SLC9C2: variants seen among roughly 807,000 people sequenced by gnomAD.
The protein encoded by SLC9C2 is solute carrier family 9 member C2 (putative).
A neutral mutation model predicts 140.2 loss-of-function variants in SLC9C2; 75 were observed. The ratio of observed to expected loss-of-function variants is 0.53; its 90% CI spans 0.44 to 0.65. The LOEUF (loss-of-function observed/expected upper bound fraction) is 0.65. SLC9C2 is among the 30% of genes least tolerant of loss of function. The pLI is 0.00. For synonymous variants in SLC9C2, 375 were observed against 420.9 expected (o/e 0.89, Z 1.34); for missense variants, 1,074 against 1,331.8 (o/e 0.81, Z 3.01).
chr1:173,564,637 CTTT>C (rs200972272), intron 9 of SLC9C2, among the ~76,000 whole-genome samples: 6 of 119,724 alleles, frequency 5.0e-5, no homozygotes, highest in Non-Finnish European at 5.0e-5. Context: ...TTTTCCTTTT[CTTT>C]TTTTTTTTTT....
At chr1:173,550,444 A>AT (rs1382249001) in intron 11 of SLC9C2, among the ~76,000 whole-genome samples, 2 of 129,260 alleles carry the variant, frequency 1.5e-5, no homozygotes, top group African/African-American at 3.3e-5. Context: ...TTATTTATTT[A>AT]TTTATTTATT....
chr1:173,570,399 T>C (rs1393504361), intron 9 of SLC9C2, among the ~76,000 whole-genome samples: 1 of 152,122 alleles, frequency 6.6e-6, no homozygotes, highest in Non-Finnish European at 1.5e-5. Context: ...TGCCCTATTC[T>C]GCTGTGGTTG....
intron 13 of SLC9C2, among the ~76,000 whole-genome samples, chr1:173,546,965 CAT>C (rs1662893304): frequency 6.6e-6 from 1 of 152,034 alleles, no homozygotes; most frequent in Non-Finnish European, 1.5e-5. Context: ...GTATTGGTCA[CAT>C]GTGGATGGTT....
intron 9 of SLC9C2, among the ~76,000 whole-genome samples, chr1:173,566,359 C>T (rs1244792524): frequency 3.3e-5 from 5 of 152,042 alleles, no homozygotes; most frequent in Admixed American, 1.3e-4. Flanking sequence ...GATCTCATTA[C>T]TTGTTATTGG....
chr1:173,558,772 C>T (rs1663889742), intron 9 of SLC9C2, among the ~76,000 whole-genome samples: 1 of 152,184 alleles, frequency 6.6e-6, no homozygotes, highest in Non-Finnish European at 1.5e-5. Flanking sequence ...TCTATCTTGG[C>T]TCATCCTCTC....
chr1:173,509,747 T>C (rs753714401), intron 23 of SLC9C2, 48 bp from the exon 24 acceptor site: 7 of 1,546,628 alleles, frequency 4.5e-6, no homozygotes, highest in Middle Eastern at 1.7e-4. Flanking sequence ...TGGAACTAAA[T>C]TACAAGACCA....
At chr1:173,588,727 C>G (rs1665993484) in intron 4 of SLC9C2, among the ~76,000 whole-genome samples, 1 of 151,940 alleles carries the variant, frequency 6.6e-6, no homozygotes, top group African/African-American at 2.4e-5. Flanking sequence ...TTTTCTTTCT[C>G]TTAATATTCC....
At position 173,517,557 on chromosome 1, in the gene SLC9C2, T is replaced by C. The variant is rs1389354484; in HGVS notation, c.2887A>G (p.Ile963Val). Residue 963 changes from isoleucine to valine, a missense_variant, in exon 23 of 28, where the codon ATC (isoleucine) becomes GTC (valine). Transcript: ENST00000367714. ...CCTACCTGTAAACTAGTTTCACAGATGACGGTATATTCAATTTCACGCTTA... is the reference window on the plus strand; with the variant it reads ...CCTACCTGTAAACTAGTTTCACAGACGACGGTATATTCAATTTCACGCTTA... The part of the protein sequence containing the change: ...LLKREIEYTV[I>V]CETSLQACFI... 6.2e-7 allele frequency: 1 copy of C among 1,609,254 alleles called. No homozygotes were observed. Among genetic ancestry groups the C allele is most frequent in the Admixed American group, 1.7e-5 (1 of 58,772 alleles).
At chr1:173,541,744 G>T (rs984634780) in intron 13 of SLC9C2, among the ~76,000 whole-genome samples, 1 of 151,914 alleles carries the variant, frequency 6.6e-6, no homozygotes, top group African/African-American at 2.4e-5. Context: ...CTGAACAACC[G>T]GCTCCTGAAT....
chr1:173,572,054 C>T (rs561683154), intron 9 of SLC9C2, among the ~76,000 whole-genome samples: 1 of 152,208 alleles, frequency 6.6e-6, no homozygotes, highest in East Asian at 1.9e-4. Context: ...TATTATTATG[C>T]CCAGTCTACA....
At chr1:173,573,852 A>T (rs1161714635) in intron 8 of SLC9C2, among the ~76,000 whole-genome samples, 1 of 152,184 alleles carries the variant, frequency 6.6e-6, no homozygotes, top group Non-Finnish European at 1.5e-5. Flanking sequence ...TGTAAGGCTA[A>T]CTCTAATCCC....
chr1:173,557,363 G>A lies in SLC9C2; in HGVS notation c.1192C>T (p.Arg398Ter), dbSNP rs749302659. The change falls in exon 10 of 28, where the codon CGA becomes TGA. Residue 398 changes from arginine (R) to a stop codon, truncating the protein, a stop_gained. Transcript: ENST00000367714. LOFTEE classifies it high-confidence loss of function. Reference sequence around the variant, plus strand: ...ACCATTTGTGGTACTTCCACTTTTCGTTCAGCGAGATTATAAACATCAGGA... The same window carrying A: ...ACCATTTGTGGTACTTCCACTTTTCATTCAGCGAGATTATAAACATCAGGA... ...WAPDVYNLAE[R>*]KVEVPQMFIL... 19 of 1,612,146 alleles carry A rather than the reference G, an allele frequency of 1.2e-5. No homozygotes were observed. Among genetic ancestry groups the A allele is most frequent in the East Asian group, 2.2e-5 (1 of 44,834 alleles).
chr1:173,564,433 C>T (rs4916371), intron 9 of SLC9C2, among the ~76,000 whole-genome samples: 81,266 of 151,930 alleles, frequency 0.53, 23,532 homozygotes, highest in East Asian at 0.95. Flanking sequence ...TAGTTTTGAG[C>T]TGCATTTCCC....
intron 22 of SLC9C2, 140 bp from the exon 23 acceptor site, chr1:173,517,844 T>C: frequency 1.5e-6 from 1 of 675,316 alleles, no homozygotes; most frequent in Non-Finnish European, 2.2e-6. Flanking sequence ...AGAATTAGGC[T>C]TAAGAAAAAA....
intron 18 of SLC9C2, among the ~76,000 whole-genome samples, chr1:173,529,378 C>G (rs1392448597): frequency 6.6e-6 from 1 of 152,036 alleles, no homozygotes; most frequent in African/African-American, 2.4e-5. Flanking sequence ...GGAGAGGATT[C>G]ACTCCACCTC....
In SLC9C2 at chr1:173,534,646, T is replaced by C. The variant is rs749055849; in HGVS notation, c.1812A>G (p.Val604=). The change falls in exon 16 of 28, where the codon GTA becomes GTG. Residue 604 remains valine (V), a synonymous_variant. Coordinates refer to ENST00000367714, the MANE Select transcript of SLC9C2 (RefSeq NM_178527.4). ...CTGTATATTCAAATTCTTCAGAAAA[T>C]ACTATGTGAAATATAAAAGTCAGAA... ...NTFLTFIFHI[V]FSEEFEYTGQ... 1 of 1,545,328 alleles carries C rather than the reference T, an allele frequency of 6.5e-7. No individual in the cohort carries two copies. Among genetic ancestry groups the C allele is most frequent in the Admixed American group, 2.1e-5 (1 of 48,510 alleles).
At position 173,517,714 on chromosome 1, in the gene SLC9C2, G is replaced by GA. The variant is rs1200799238; in HGVS notation, c.2740-11dup. ...GAGATAAACTATGCAACTGCAAAGG[G>GA]AAAAAAAGTGTGCAAAGGGAAAGAA... On this transcript the variant is annotated splice_polypyrimidine_tract_variant and intron_variant, in intron 22 of 27. Coordinates refer to ENST00000367714, the MANE Select transcript of SLC9C2 (RefSeq NM_178527.4). The GA allele has an allele frequency of 1.3e-6, 2 of 1,589,892 alleles. No homozygotes were observed. Among genetic ancestry groups the GA allele is most frequent in the Non-Finnish European group, 8.5e-7 (1 of 1,172,668 alleles).
At chr1:173,582,242 A>T (rs578113708) in intron 6 of SLC9C2, among the ~76,000 whole-genome samples, 1 of 152,328 alleles carries the variant, frequency 6.6e-6, no homozygotes, top group Non-Finnish European at 1.5e-5. Flanking sequence ...TAGAAGATTC[A>T]AATGTCCTCA....
chr1:173,543,729 A>G (rs1467605559), intron 13 of SLC9C2, among the ~76,000 whole-genome samples: 1 of 152,248 alleles, frequency 6.6e-6, no homozygotes, highest in African/African-American at 2.4e-5. Context: ...ATCTTTGACA[A>G]ACCTGACAAA....
Sources: gnomAD v4.1 joint callset for allele counts (sites outside exome capture counted in the v4.1 genomes callset) on GRCh38, gnomAD v4.1.1 for gene constraint, MANE v1.5 for transcripts, NCBI Gene and HGNC (gene_info 2026-07-23, HGNC 2026-07-21) for gene names.